The following DNAH9 variants were observed in gnomAD, a reference collection of about 807,000 sequenced individuals.
The protein encoded by DNAH9 is dynein axonemal heavy chain 9, also known as DNAH9 variant protein.
A neutral mutation model predicts 471.6 loss-of-function variants in DNAH9; 345 were observed. The observed-to-expected ratio is 0.73, with a 90% confidence interval of 0.67 to 0.80. The LOEUF (loss-of-function observed/expected upper bound fraction) is 0.80. Ranked by LOEUF, DNAH9 falls within the 30% of genes least tolerant of loss-of-function variation. The probability of loss-of-function intolerance (pLI) is 0.00; values close to 1 mark genes in which losing one functional copy is unlikely to be tolerated. For synonymous variants in DNAH9, 2,093 were observed against 2,123.6 expected (o/e 0.99, Z 0.40); for missense variants, 5,407 against 5,609.2 (o/e 0.96, Z 1.15).
Position 11,652,629 on chromosome 17 carries a change from A to C in DNAH9, c.2354-132A>C, listed in dbSNP as rs2073538103. On this transcript the variant is annotated intron_variant, in intron 13 of 68. Coordinates refer to ENST00000262442, the MANE Select transcript of DNAH9 (RefSeq NM_001372.4). ...AACTAGGAGGGAGAATATTCTGACG[A>C]TAATGAAGTTACCTGTGTAGAAAAG... The C allele has an allele frequency of 3.4e-6, 3 of 877,532 alleles. No homozygotes were observed. In the South Asian group the frequency reaches 5.1e-5, roughly 15 times the overall value. 54.4% of individuals were successfully genotyped at this position (877,532 alleles called of 1,614,324 possible).
chr17:11,814,170 T>C (rs1970014631), intron 45 of DNAH9, among the ~76,000 whole-genome samples: 1 of 152,178 alleles, frequency 6.6e-6, no homozygotes, highest in Non-Finnish European at 1.5e-5. Context: ...CTTACAAAAC[T>C]TGTTCTCTTT....
intron 42 of DNAH9, 148 bp downstream of exon 42, chr17:11,793,812 T>TA (rs1415842403): frequency 3.9e-5 from 26 of 672,626 alleles, no homozygotes; most frequent in Admixed American, 1.2e-4. Context: ...TTTGCCCAGG[T>TA]AAAAAAATGC....
intron 38 of DNAH9, among the ~76,000 whole-genome samples, chr17:11,770,188 G>A (rs1968145167): frequency 6.6e-6 from 1 of 152,180 alleles, no homozygotes; most frequent in Non-Finnish European, 1.5e-5. Context: ...AGTGAACCTG[G>A]CACTCTCGTT....
Position 11,793,411 on chromosome 17 carries a change from C to T in DNAH9, c.8062-92C>T, listed in dbSNP as rs1567806130. 1.3e-5 allele frequency: 15 copies of T among 1,168,800 alleles called. No homozygotes were observed. The East Asian group carries it at 3.5e-4, about 28-fold the overall frequency. The allele number at this position is 1,168,800 out of a possible 1,614,324, so 72.4% of individuals were successfully genotyped here. On this transcript the variant is annotated intron_variant, in intron 41 of 68. Transcript: ENST00000262442. Reference sequence around the variant, plus strand: ...GCAAGACAAGCCCTAGACATCATCCCAGGTTAGATAAAATGCTCCAGGAAG... The same window carrying T: ...GCAAGACAAGCCCTAGACATCATCCTAGGTTAGATAAAATGCTCCAGGAAG...
intron 60 of DNAH9, among the ~76,000 whole-genome samples, chr17:11,905,245 AAGAG>A (rs937654868): frequency 1.3e-5 from 2 of 149,996 alleles, no homozygotes; most frequent in East Asian, 1.9e-4. Flanking sequence ...AAAAAAAAAA[AAGAG>A]AGAGAATAGC....
At position 11,738,891 on chromosome 17, in the gene DNAH9, T is replaced by G; in HGVS notation, c.5826T>G (p.Ile1942Met). The G allele has an allele frequency of 6.2e-7, 1 of 1,614,002 alleles. No homozygotes were observed. The highest frequency in any genetic ancestry group is 8.5e-7 in the Non-Finnish European group (1 of 1,179,954). The change falls in exon 29 of 69, where the codon ATT becomes ATG. Residue 1942 changes from isoleucine (I) to methionine (M), a missense_variant. Ile to Met is a conservative substitution (Grantham distance 10). Around this residue, in one of 3 missense-constraint regions of DNAH9, gnomAD observed 4,636 missense variants for 4,900.3 expected, o/e 0.95. Coordinates refer to ENST00000262442, the MANE Select transcript of DNAH9 (RefSeq NM_001372.4). Reference sequence around the variant, plus strand: ...GATTGGTTCACCAGGTAAAAAGCATTCAAGATGCGATTAGAGATAAGAAGC... The same window carrying G: ...GATTGGTTCACCAGGTAAAAAGCATGCAAGATGCGATTAGAGATAAGAAGC... ...LSVVAVQVKS[I>M]QDAIRDKKQW...
At position 11,669,207 on chromosome 17, in the gene DNAH9, A is replaced by G. The variant is rs772142870; in HGVS notation, c.2875A>G (p.Ile959Val). The G allele has an allele frequency of 1.2e-6, 2 of 1,613,964 alleles. No homozygotes were observed. Among genetic ancestry groups the G allele is most frequent in the South Asian group, 1.1e-5 (1 of 91,070 alleles). The change falls in exon 16 of 69, where the codon ATA becomes GTA. Residue 959 changes from isoleucine to valine, a missense_variant. Ile to Val is a conservative substitution (Grantham distance 29, BLOSUM62 3). This residue lies in a region of DNAH9 where 4,636 missense variants were observed against 4,900.3 expected (regional missense o/e 0.95). Coordinates refer to ENST00000262442, the MANE Select transcript of DNAH9 (RefSeq NM_001372.4). ...GGGTCTCATCACCAGCATTTTTAGGATACCATCTCTGGTGCCACGGCTTTC... is the reference window on the plus strand; with the variant it reads ...GGGTCTCATCACCAGCATTTTTAGGGTACCATCTCTGGTGCCACGGCTTTC... ...VEGLITSIFR[I>V]PSLVPRLSPQ...
intron 20 of DNAH9, among the ~76,000 whole-genome samples, chr17:11,693,375 C>T (rs1425516307): frequency 2.0e-5 from 3 of 150,884 alleles, no homozygotes; most frequent in Non-Finnish European, 3.0e-5. Context: ...CTCAGCCTCC[C>T]GAGTAGTAGC....
chr17:11,916,581 C>T (rs955751577), intron 61 of DNAH9, among the ~76,000 whole-genome samples: 2 of 152,240 alleles, frequency 1.3e-5, no homozygotes, highest in African/African-American at 4.8e-5. Flanking sequence ...AACATTTTCC[C>T]CATGTCCCCA....
At position 11,881,363 on chromosome 17, in the gene DNAH9, T is replaced by G. The variant is rs1218987678; in HGVS notation, c.10756T>G (p.Leu3586Val). ...TVTRDGLEDQ[L>V]LAAVVSMERP... ...GACCAGGGATGGCCTGGAGGACCAGTTGCTGGCCGCTGTGGTCAGCATGGA... is the reference window on the plus strand; with the variant it reads ...GACCAGGGATGGCCTGGAGGACCAGGTGCTGGCCGCTGTGGTCAGCATGGA... Residue 3586 changes from leucine to valine, a missense_variant, in exon 55 of 69, where the codon TTG becomes GTG. Physicochemically the swap from Leu to Val is conservative, Grantham distance 32 (BLOSUM62 1). Around this residue, in one of 3 missense-constraint regions of DNAH9, gnomAD observed 4,636 missense variants for 4,900.3 expected, o/e 0.95. Transcript: ENST00000262442. The G allele has an allele frequency of 6.2e-7, 1 of 1,613,854 alleles. No individual in the cohort carries two copies. Among genetic ancestry groups the G allele is most frequent in the Non-Finnish European group, 8.5e-7 (1 of 1,180,014 alleles).
intron 27 of DNAH9, among the ~76,000 whole-genome samples, chr17:11,721,360 A>G (rs1051467841): frequency 6.6e-6 from 1 of 152,146 alleles, no homozygotes; most frequent in Non-Finnish European, 1.5e-5. Flanking sequence ...GACACAGGTT[A>G]GAACATCATA....
chr17:11,852,371 C>A (rs76902297), intron 49 of DNAH9, among the ~76,000 whole-genome samples: 1 of 152,064 alleles, frequency 6.6e-6, no homozygotes, highest in Non-Finnish European at 1.5e-5. Flanking sequence ...GTACCTTTCA[C>A]GGATATTTCT....
chr17:11,938,414 G>A (rs540495611), intron 66 of DNAH9, among the ~76,000 whole-genome samples: 4 of 149,192 alleles, frequency 2.7e-5, no homozygotes, highest in East Asian at 2.0e-4. Flanking sequence ...AGCCAAGACC[G>A]TGCCACTGCA....
At chr17:11,610,264 C>A in intron 2 of DNAH9, 132 bp from the exon 3 acceptor site, 1 of 664,576 alleles carries the variant, frequency 1.5e-6, no homozygotes, top group Non-Finnish European at 2.4e-6. Context: ...GTTAAGAATG[C>A]ATGGGCTAGA....
chr17:11,743,937 C>T (rs951606735), intron 30 of DNAH9, among the ~76,000 whole-genome samples: 1 of 151,602 alleles, frequency 6.6e-6, no homozygotes, highest in African/African-American at 2.4e-5. Context: ...TGAAGTGATT[C>T]TCCTGCCTCA....
intron 57 of DNAH9, among the ~76,000 whole-genome samples, chr17:11,888,416 C>A (rs1266565833): frequency 6.6e-6 from 1 of 152,096 alleles, no homozygotes; most frequent in Non-Finnish European, 1.5e-5. Flanking sequence ...CACAGGATCA[C>A]CCCCCTGGTT....
At chr17:11,757,864 A>T (rs550408380) in intron 35 of DNAH9, among the ~76,000 whole-genome samples, 172 bp downstream of exon 35, 1 of 152,292 alleles carries the variant, frequency 6.6e-6, no homozygotes, top group South Asian at 2.1e-4. Context: ...TGGCCATGGG[A>T]TGCCTGTTGT....
chr17:11,627,246 T>C (rs775652123), intron 6 of DNAH9, among the ~76,000 whole-genome samples: 2 of 152,220 alleles, frequency 1.3e-5, no homozygotes, highest in Non-Finnish European at 2.9e-5. Flanking sequence ...GTAGAATAGT[T>C]AAATAAATAT....
chr17:11,957,648 C>CAGGTGATCCGCCTG (rs1975720740), intron 67 of DNAH9, among the ~76,000 whole-genome samples: 1 of 151,580 alleles, frequency 6.6e-6, no homozygotes, highest in African/African-American at 2.4e-5. Flanking sequence ...CTGTTCTCTT[C>CAGGTGATCCGCCTG]AGCAGAGAGA....
Sources: gnomAD v4.1 joint callset for allele counts (sites outside exome capture counted in the v4.1 genomes callset) on GRCh38, gnomAD v4.1.1 for gene constraint, gnomAD v4.1.1 regional missense constraint, MANE v1.5 for transcripts, NCBI Gene and HGNC (gene_info 2026-07-23, HGNC 2026-07-21) for gene names.